Variants in IGF1 observed in about 807,000 individuals in gnomAD.
IGF1 encodes insulin-like growth factor 1.
Under a neutral mutation model 13.8 loss-of-function variants are expected in IGF1, and 4 were observed. That is an observed-to-expected ratio of 0.29 (90% CI 0.14 to 0.66). The LOEUF is 0.66. IGF1 is among the 30% of genes least tolerant of loss of function. The pLI, the probability that IGF1 is intolerant of heterozygous loss-of-function variation, is 0.78. For synonymous variants in IGF1, 76 were observed against 72.6 expected (o/e 1.05, Z -0.23); for missense variants, 124 against 188.5 (o/e 0.66, Z 2.00).
At position 102,401,235 on chromosome 12, in the gene IGF1, C is replaced by A; in HGVS notation, c.*1272G>T. The A allele has an allele frequency of 6.2e-6, 1 of 161,374 alleles. No individual in the cohort carries two copies. Among genetic ancestry groups the A allele is most frequent in the Non-Finnish European group, 1.3e-5 (1 of 74,998 alleles). 10.0% of individuals were successfully genotyped at this position (161,374 alleles called of 1,614,324 possible). Reference sequence around the variant, plus strand: ...TGCCCCCATTTTGCAGATGAGGAAACTGAGGCACAGAGAGGTGAAGTGACT... The same window carrying A: ...TGCCCCCATTTTGCAGATGAGGAAAATGAGGCACAGAGAGGTGAAGTGACT... On this transcript the variant is annotated 3_prime_UTR_variant, in exon 4 of 4. Transcript: ENST00000337514.
At chr12:102,474,833 T>C (rs1385538414) in intron 2 of IGF1, among the ~76,000 whole-genome samples, 1 of 152,208 alleles carries the variant, frequency 6.6e-6, no homozygotes, top group Non-Finnish European at 1.5e-5. Context: ...CAGGAATCAT[T>C]GACTTTTGCT....
chr12:102,459,246 C>T (rs575151966), intron 2 of IGF1, among the ~76,000 whole-genome samples: 1 of 152,286 alleles, frequency 6.6e-6, no homozygotes, highest in East Asian at 1.9e-4. Flanking sequence ...AAATGCCTTA[C>T]TGTCAAATTG....
intron 3 of IGF1, among the ~76,000 whole-genome samples, chr12:102,403,463 G>A (rs1332609873): frequency 7.0e-6 from 1 of 141,892 alleles, no homozygotes; most frequent in Non-Finnish European, 1.6e-5. Flanking sequence ...GATAGTGAGG[G>A]TTTTTTTTTT....
At chr12:102,478,424 G>T in intron 1 of IGF1, 2 of 1,152,348 alleles carry the variant, frequency 1.7e-6, no homozygotes, top group East Asian at 2.6e-5. Flanking sequence ...GATTCCAGAT[G>T]TCTGGGCCAC....
intron 2 of IGF1, among the ~76,000 whole-genome samples, chr12:102,419,931 T>G (rs1875558306): frequency 6.6e-6 from 1 of 152,188 alleles, no homozygotes; most frequent in Non-Finnish European, 1.5e-5. Flanking sequence ...TTGTGGTAAC[T>G]CTCCCCAAGT....
At chr12:102,448,949 G>T (rs1006248331) in intron 2 of IGF1, among the ~76,000 whole-genome samples, 1 of 152,236 alleles carries the variant, frequency 6.6e-6, no homozygotes, top group Admixed American at 6.5e-5. Flanking sequence ...CACTGTTGGT[G>T]AGAGTGTAAA....
At chr12:102,443,923 G>A (rs933973073) in intron 2 of IGF1, among the ~76,000 whole-genome samples, 2 of 151,968 alleles carry the variant, frequency 1.3e-5, no homozygotes, top group Non-Finnish European at 2.9e-5. Flanking sequence ...GCCTCCCGGG[G>A]TTCAAGTGAT....
chr12:102,419,825 C>G, intron 2 of IGF1, 135 bp from the exon 3 acceptor site: 1 of 805,816 alleles, frequency 1.2e-6, no homozygotes, highest in Non-Finnish European at 2.1e-6. Context: ...TTGAAACTTC[C>G]CCAATGATTC....
intron 2 of IGF1, among the ~76,000 whole-genome samples, chr12:102,427,952 A>G (rs1876356710): frequency 6.6e-6 from 1 of 151,998 alleles, no homozygotes; most frequent in African/African-American, 2.4e-5. Context: ...GTGTATCAAC[A>G]GTGTTGTTCT....
chr12:102,438,772 GTGGGTTTGCTTTA>G, intron 2 of IGF1, among the ~76,000 whole-genome samples: 1 of 152,268 alleles, frequency 6.6e-6, no homozygotes, highest in Admixed American at 6.5e-5. Context: ...CATGAGGGAA[GTGGGTTTGCTTTA>G]TGGGATTGGT....
chr12:102,412,251 T>C (rs1874708422), intron 3 of IGF1, among the ~76,000 whole-genome samples: 1 of 152,196 alleles, frequency 6.6e-6, no homozygotes, highest in Non-Finnish European at 1.5e-5. Context: ...TCCTGCAGTT[T>C]TTACTGAATG....
chr12:102,420,800 G>A (rs1407072018), intron 2 of IGF1, among the ~76,000 whole-genome samples: 4 of 152,096 alleles, frequency 2.6e-5, no homozygotes, highest in Admixed American at 2.0e-4. Flanking sequence ...TCTTCTCCAC[G>A]GATGCTCAGG....
At chr12:102,445,504 G>T (rs1265831406) in intron 2 of IGF1, among the ~76,000 whole-genome samples, 1 of 152,136 alleles carries the variant, frequency 6.6e-6, no homozygotes. Context: ...TAGCAATTGT[G>T]AATGGAGTTC....
intron 2 of IGF1, among the ~76,000 whole-genome samples, chr12:102,425,439 C>T (rs927578277): frequency 6.6e-6 from 1 of 152,166 alleles, no homozygotes; most frequent in Non-Finnish European, 1.5e-5. Flanking sequence ...GACCTGCCCC[C>T]ACCCTCACTA....
chr12:102,427,984 A>G (rs572953869), intron 2 of IGF1, among the ~76,000 whole-genome samples: 42 of 152,002 alleles, frequency 2.8e-4, no homozygotes, highest in Non-Finnish European at 5.0e-4. Context: ...GTCCTGGGGA[A>G]TGTTTCTATA....
chr12:102,444,470 G>T (rs992623282), intron 2 of IGF1, among the ~76,000 whole-genome samples: 7 of 151,950 alleles, frequency 4.6e-5, no homozygotes, highest in African/African-American at 9.7e-5. Context: ...GGGCAAAAAG[G>T]GGGCACCCTC....
intron 2 of IGF1, among the ~76,000 whole-genome samples, chr12:102,435,288 A>C (rs995764262): frequency 4.6e-5 from 7 of 152,234 alleles, no homozygotes; most frequent in African/African-American, 1.7e-4. Context: ...CTTGTGATGC[A>C]TGCATGAGTG....
chr12:102,415,213 A>G (rs1457745605), intron 3 of IGF1, among the ~76,000 whole-genome samples: 2 of 151,882 alleles, frequency 1.3e-5, no homozygotes, highest in South Asian at 2.1e-4. Flanking sequence ...TTCTACCACT[A>G]TTCATCAGCC....
chr12:102,448,497 C>T (rs902298139), intron 2 of IGF1, among the ~76,000 whole-genome samples: 4 of 129,098 alleles, frequency 3.1e-5, no homozygotes, highest in African/African-American at 1.2e-4. Context: ...AATGAGATCA[C>T]ATGGACACAG....
Sources: allele counts gnomAD v4.1 joint callset (sites outside exome capture counted in the v4.1 genomes callset), GRCh38; gene constraint gnomAD v4.1.1; transcripts MANE v1.5; gene names NCBI Gene and HGNC (gene_info 2026-07-23, HGNC 2026-07-21).